B4GALT1: variants seen among roughly 807,000 people sequenced by gnomAD.
B4GALT1 encodes the protein N-acetyllactosamine synthase.
In B4GALT1, 16 loss-of-function variants were observed where a neutral mutation model predicts 34.9. The ratio of observed to expected loss-of-function variants is 0.46; its 90% CI spans 0.31 to 0.70. The LOEUF (loss-of-function observed/expected upper bound fraction) is 0.70. Among genes scored for constraint, B4GALT1 ranks in the 30% least tolerant of loss-of-function variants. B4GALT1 has a pLI of 0.05. For missense variants in B4GALT1, 445 were observed against 530.5 expected (o/e 0.84, Z 1.58); for synonymous variants, 221 against 218.1 (o/e 1.01, Z -0.12).
downstream of B4GALT1, among the ~76,000 whole-genome samples, chr9:33,109,130 T>G (rs190786950): frequency 3.9e-5 from 6 of 152,278 alleles, no homozygotes; most frequent in African/African-American, 1.4e-4. Context: ...TCAGTCCCAC[T>G]CCCATCCTTC....
chr9:33,132,314 C>T (rs1840205084), intron 2 of B4GALT1, among the ~76,000 whole-genome samples: 2 of 152,142 alleles, frequency 1.3e-5, no homozygotes, highest in South Asian at 4.1e-4. Context: ...CTTAGGCCCG[C>T]TTTCCCCAAA....
At chr9:33,119,543 C>A (rs1839990756) in intron 3 of B4GALT1, among the ~76,000 whole-genome samples, 1 of 152,190 alleles carries the variant, frequency 6.6e-6, no homozygotes, top group Admixed American at 6.5e-5. Context: ...ATAGCCAGAC[C>A]TCATCTCCAC....
the B4GALT1 span, among the ~76,000 whole-genome samples, chr9:33,180,765 T>C: frequency 2.0e-5 from 3 of 152,172 alleles, no homozygotes; most frequent in Non-Finnish European, 2.9e-5. Context: ...GAACGAATCT[T>C]CCCCTTTCTG....
chr9:33,150,411 T>TAA (rs11414746), intron 1 of B4GALT1, among the ~76,000 whole-genome samples: 2,024 of 144,772 alleles, frequency 0.014, 39 homozygotes, highest in African/African-American at 0.045. Flanking sequence ...TTTTTAAAAA[T>TAA]AAAAAAAAAA....
intron 1 of B4GALT1, among the ~76,000 whole-genome samples, chr9:33,147,708 G>A (rs560309830): frequency 5.1e-4 from 77 of 152,308 alleles, no homozygotes; most frequent in Non-Finnish European, 8.8e-4. Flanking sequence ...GCTGGTGAGA[G>A]ACTGCACAAA....
At chr9:33,149,778 T>A (rs1339204152) in intron 1 of B4GALT1, among the ~76,000 whole-genome samples, 1 of 152,180 alleles carries the variant, frequency 6.6e-6, no homozygotes, top group African/African-American at 2.4e-5. Context: ...AACCTGAATC[T>A]GATCAGGAGG....
chr9:33,159,167 C>T (rs1840640312), intron 1 of B4GALT1, among the ~76,000 whole-genome samples: 2 of 152,090 alleles, frequency 1.3e-5, no homozygotes, highest in South Asian at 4.2e-4. Context: ...TGTCCTGCAA[C>T]ACCAATGACA....
downstream of B4GALT1, among the ~76,000 whole-genome samples, chr9:33,109,454 T>C (rs538975383): frequency 2.6e-5 from 4 of 152,326 alleles, no homozygotes; most frequent in South Asian, 6.2e-4. Flanking sequence ...CCTAGCAAAT[T>C]AAACCCAAGA....
intron 1 of B4GALT1, among the ~76,000 whole-genome samples, chr9:33,163,883 C>T (rs1310909859): frequency 6.6e-6 from 1 of 152,166 alleles, no homozygotes; most frequent in Non-Finnish European, 1.5e-5. Flanking sequence ...TCAGGAAAGG[C>T]CCCCCTTCCC....
intron 5 of B4GALT1, 29 bp downstream of exon 5, chr9:33,113,745 G>A: frequency 5.6e-6 from 9 of 1,612,838 alleles, no homozygotes; most frequent in South Asian, 1.1e-5. Context: ...CCTAAAGGGG[G>A]AAGGAGTATG....
At chr9:33,185,025 T>C in the B4GALT1 span, among the ~76,000 whole-genome samples, 1 of 152,146 alleles carries the variant, frequency 6.6e-6, no homozygotes, top group African/African-American at 2.4e-5. Context: ...CTTGCCCCTC[T>C]TTAGGAAGGG....
the B4GALT1 span, among the ~76,000 whole-genome samples, chr9:33,180,571 C>T: frequency 5.3e-5 from 8 of 152,286 alleles, no homozygotes; most frequent in South Asian, 2.1e-4. Context: ...ACTGCTCTGC[C>T]GTGGCCACCA....
At chr9:33,114,800 T>C (rs184136262) in intron 4 of B4GALT1, among the ~76,000 whole-genome samples, 1 of 152,296 alleles carries the variant, frequency 6.6e-6, no homozygotes, top group Admixed American at 6.5e-5. Context: ...CAGTAAGTGG[T>C]GCATAGAAAG....
chr9:33,173,589 A>AG, the B4GALT1 span, among the ~76,000 whole-genome samples: 5 of 100,030 alleles, frequency 5.0e-5, no homozygotes, highest in Non-Finnish European at 1.0e-4. Flanking sequence ...TGAAATAAGA[A>AG]TGGTGTGTGT....
At chr9:33,133,271 T>C (rs908187723) in intron 2 of B4GALT1, among the ~76,000 whole-genome samples, 1 of 152,340 alleles carries the variant, frequency 6.6e-6, no homozygotes, top group Admixed American at 6.5e-5. Flanking sequence ...CTCAGGCAGA[T>C]TTGTGGGATG....
rs762140480 is a variant in B4GALT1, at chr9:33,113,460, C to T, written c.1191G>A (p.Pro397=). The stretch of plus-strand genomic sequence containing the variant: ...TTATCCGTGTACCAAAACGCTAGCT[C>T]GGTGTCCCGATGTCCACTGTGATTT... ...YTQITVDIGT[P]S Residue 397 remains proline, a synonymous_variant, in exon 6 of 6, where the codon CCG becomes CCA. Coordinates refer to ENST00000379731, the MANE Select transcript of B4GALT1 (RefSeq NM_001497.4). 31 of 1,614,160 alleles carry T rather than the reference C, an allele frequency of 1.9e-5. No individual in the cohort carries two copies. The highest frequency in any genetic ancestry group is 4.0e-5 in the African/African-American group (3 of 75,044).
chr9:33,117,278 T>C (rs1161619803), intron 3 of B4GALT1, among the ~76,000 whole-genome samples: 5 of 152,256 alleles, frequency 3.3e-5, no homozygotes, highest in Non-Finnish European at 1.5e-5. Flanking sequence ...TCTTTGAAAC[T>C]TCAGACTTTA....
chr9:33,146,882 G>C (rs553220370), intron 1 of B4GALT1, among the ~76,000 whole-genome samples: 26 of 152,184 alleles, frequency 1.7e-4, no homozygotes, highest in Admixed American at 1.6e-3. Flanking sequence ...TGTATTTTTA[G>C]TAAAGACGGG....
intron 1 of B4GALT1, among the ~76,000 whole-genome samples, chr9:33,145,362 CACTAT>C (rs1455075669): frequency 6.6e-6 from 1 of 152,162 alleles, no homozygotes; most frequent in Non-Finnish European, 1.5e-5. Flanking sequence ...CACCAAATGT[CACTAT>C]TTCCTTGAGA....
Sources: allele counts gnomAD v4.1 joint callset (sites outside exome capture counted in the v4.1 genomes callset), GRCh38; gene constraint gnomAD v4.1.1; transcripts MANE v1.5; gene names NCBI Gene and HGNC (gene_info 2026-07-23, HGNC 2026-07-21).